DPP10: variants seen among roughly 807,000 people sequenced by gnomAD.
The protein encoded by DPP10 is inactive dipeptidyl peptidase 10.
DPP10 carries 33 observed loss-of-function variants against 120.9 expected under a neutral mutation model. The observed-to-expected ratio is 0.27, with a 90% CI of 0.21 to 0.37. The LOEUF (loss-of-function observed/expected upper bound fraction) is 0.37. DPP10 is among the 10% of genes least tolerant of loss of function. DPP10 has a pLI of 1.00. For missense variants in DPP10, 816 were observed against 942.8 expected (o/e 0.87, Z 1.76); for synonymous variants, 337 against 326.1 (o/e 1.03, Z -0.36).
intron 5 of DPP10, among the ~76,000 whole-genome samples, chr2:115,657,769 G>A (rs1400380631): frequency 6.6e-6 from 1 of 151,832 alleles, no homozygotes; most frequent in Non-Finnish European, 1.5e-5. Flanking sequence ...TGTATTACAT[G>A]CTATCTGCTT....
intron 1 of DPP10, among the ~76,000 whole-genome samples, chr2:114,878,951 T>C (rs893541225): frequency 4.6e-5 from 7 of 152,116 alleles, no homozygotes; most frequent in Non-Finnish European, 7.4e-5. Flanking sequence ...CCCCTTTATT[T>C]GTAACATATA....
rs552747426 is a variant in DPP10 at position 115,238,239 on chromosome 2, C to G, written c.61-71000C>G. 1.8e-4 allele frequency among the ~76,000 whole-genome samples: 27 copies of G among 152,280 alleles called. No individual in the cohort carries two copies. The South Asian group carries it at 3.7e-3, about 21-fold the overall frequency. ...TAAGAGTTAGGCTGACTGTGCTCTACAAATGGAACAACAAACCCTGGATGA... is the reference window on the plus strand; with the variant it reads ...TAAGAGTTAGGCTGACTGTGCTCTAGAAATGGAACAACAAACCCTGGATGA... On this transcript the variant is annotated intron_variant, in intron 1 of 25. Coordinates refer to ENST00000410059, the MANE Select transcript of DPP10 (RefSeq NM_020868.6).
chr2:114,505,594 T>C (rs1683579719), intron 1 of DPP10, among the ~76,000 whole-genome samples: 1 of 152,132 alleles, frequency 6.6e-6, no homozygotes, highest in Admixed American at 6.5e-5. Context: ...AGGTGGCATG[T>C]CCTGAACTCC....
chr2:115,294,293 A>G (rs554513030), intron 1 of DPP10, among the ~76,000 whole-genome samples: 1 of 152,266 alleles, frequency 6.6e-6, no homozygotes, highest in East Asian at 1.9e-4. Flanking sequence ...TTCTGCTTTT[A>G]GAGATTAATG....
intron 1 of DPP10, among the ~76,000 whole-genome samples, chr2:114,482,064 C>T (rs1355699595): frequency 2.0e-5 from 3 of 150,892 alleles, no homozygotes; most frequent in Non-Finnish European, 4.4e-5. Flanking sequence ...AGAACTCTAG[C>T]ATGAGAACAG....
intron 1 of DPP10, among the ~76,000 whole-genome samples, chr2:114,738,896 G>C (rs894586704): frequency 2.0e-5 from 3 of 152,072 alleles, no homozygotes; most frequent in Admixed American, 2.0e-4. Context: ...CAGATATGTG[G>C]GGAGAGCTTA....
chr2:115,157,785 G>A (rs1427198159), intron 1 of DPP10, among the ~76,000 whole-genome samples: 1 of 152,192 alleles, frequency 6.6e-6, no homozygotes, highest in Non-Finnish European at 1.5e-5. Context: ...TTCAGGCCAA[G>A]TCTCTGAAGA....
chr2:115,635,962 AG>A (rs1278263224), intron 5 of DPP10, among the ~76,000 whole-genome samples: 4 of 152,210 alleles, frequency 2.6e-5, no homozygotes, highest in Non-Finnish European at 5.9e-5. Context: ...ATTACTTGAA[AG>A]GTGGAACATG....
At chr2:115,212,016 AG>A (rs1246945223) in intron 1 of DPP10, among the ~76,000 whole-genome samples, 7 of 152,196 alleles carry the variant, frequency 4.6e-5, no homozygotes, top group Non-Finnish European at 1.0e-4. Context: ...GCAATGACCC[AG>A]GGTGCATGTC....
intron 1 of DPP10, among the ~76,000 whole-genome samples, chr2:114,492,206 C>A (rs2104444369): frequency 6.6e-6 from 1 of 152,226 alleles, no homozygotes; most frequent in Non-Finnish European, 1.5e-5. Context: ...CACCGAGCGA[C>A]TCTTTTTTAG....
chr2:114,718,113 C>T (rs1701472102), intron 1 of DPP10, among the ~76,000 whole-genome samples: 1 of 151,408 alleles, frequency 6.6e-6, no homozygotes, highest in African/African-American at 2.4e-5. Flanking sequence ...CTCCATAGTT[C>T]AACATAAAAA....
intron 2 of DPP10, among the ~76,000 whole-genome samples, chr2:115,322,280 G>A (rs180953861): frequency 6.6e-6 from 1 of 152,216 alleles, no homozygotes; most frequent in African/African-American, 2.4e-5. Flanking sequence ...TATTCACCAT[G>A]TATGTTCTCT....
chr2:115,017,808 A>G (rs1702764089), intron 1 of DPP10, among the ~76,000 whole-genome samples: 1 of 151,770 alleles, frequency 6.6e-6, no homozygotes, highest in African/African-American at 2.4e-5. Flanking sequence ...GAACAATGAG[A>G]ACACTTGGAC....
intron 2 of DPP10, among the ~76,000 whole-genome samples, chr2:115,338,280 C>A (rs1460378425): frequency 2.0e-5 from 3 of 151,758 alleles, no homozygotes; most frequent in African/African-American, 4.8e-5. Context: ...ACAGACATAT[C>A]GGGTGGTTGT....
chr2:115,323,041 G>A (rs945437933), intron 2 of DPP10, among the ~76,000 whole-genome samples: 5 of 152,126 alleles, frequency 3.3e-5, no homozygotes, highest in African/African-American at 4.8e-5. Flanking sequence ...AATAAAGTTT[G>A]CCACATTAAC....
intron 1 of DPP10, among the ~76,000 whole-genome samples, chr2:115,250,428 T>G (rs946903724): frequency 6.6e-6 from 1 of 151,748 alleles, no homozygotes; most frequent in African/African-American, 2.4e-5. Context: ...TCGAACCATG[T>G]GTTAAGATGT....
intron 1 of DPP10, among the ~76,000 whole-genome samples, chr2:115,028,857 T>C (rs541138749): frequency 3.8e-4 from 58 of 152,210 alleles, no homozygotes; most frequent in Non-Finnish European, 1.6e-4. Context: ...GTCTATTTTA[T>C]CAGTTGTAAG....
intron 2 of DPP10, among the ~76,000 whole-genome samples, chr2:115,333,965 A>G (rs1252944435): frequency 6.6e-6 from 1 of 152,048 alleles, no homozygotes; most frequent in East Asian, 1.9e-4. Flanking sequence ...AAAGAAACAA[A>G]GAAAGCCTCC....
chr2:114,541,268 G>A (rs890386987), intron 1 of DPP10, among the ~76,000 whole-genome samples: 7 of 152,060 alleles, frequency 4.6e-5, no homozygotes, highest in African/African-American at 1.2e-4. Flanking sequence ...GGATATTTTC[G>A]GAGGTTGAAG....
Sources: allele counts gnomAD v4.1 joint callset (sites outside exome capture counted in the v4.1 genomes callset), GRCh38; gene constraint gnomAD v4.1.1; transcripts MANE v1.5; gene names NCBI Gene and HGNC (gene_info 2026-07-23, HGNC 2026-07-21).